CCDC126: variants seen among roughly 807,000 people sequenced by gnomAD.
The protein encoded by CCDC126 is coiled-coil domain-containing protein 126.
In CCDC126, 5 loss-of-function variants were observed where a neutral mutation model predicts 11.7. The observed-to-expected ratio is 0.43, with a 90% CI of 0.22 to 0.90. CCDC126 has a LOEUF of 0.90. Among genes scored for constraint, CCDC126 ranks in the 40% least tolerant of loss-of-function variants. The pLI, the probability that CCDC126 is intolerant of heterozygous loss-of-function variation, is 0.27. For synonymous variants in CCDC126, 60 were observed against 61.9 expected (o/e 0.97, Z 0.14); for missense variants, 150 against 163.1 (o/e 0.92, Z 0.44).
chr7:23,630,866 T>C (rs1170021112), intron 3 of CCDC126, among the ~76,000 whole-genome samples: 1 of 150,130 alleles, frequency 6.7e-6, no homozygotes, highest in African/African-American at 2.5e-5. Context: ...AAATCAATAA[T>C]GGAAAGATGA....
intron 3 of CCDC126, among the ~76,000 whole-genome samples, chr7:23,638,533 T>G (rs1413891762): frequency 8.5e-6 from 1 of 117,628 alleles, no homozygotes; most frequent in Non-Finnish European, 1.7e-5. Flanking sequence ...TCGTTAAGAG[T>G]CATCACCACT....
chr7:23,618,767 T>C (rs1251946930), intron 3 of CCDC126, among the ~76,000 whole-genome samples: 1 of 151,724 alleles, frequency 6.6e-6, no homozygotes, highest in Non-Finnish European at 1.5e-5. Context: ...CAAGGCCAGG[T>C]TGGCCTTGAA....
chr7:23,632,516 A>G (rs1313099966), intron 3 of CCDC126, among the ~76,000 whole-genome samples: 1 of 152,242 alleles, frequency 6.6e-6, no homozygotes, highest in Non-Finnish European at 1.5e-5. Flanking sequence ...GTAAAAGGGC[A>G]ACATAGGGAT....
At chr7:23,604,684 A>G (rs991804168) in intron 2 of CCDC126, among the ~76,000 whole-genome samples, 1 of 152,154 alleles carries the variant, frequency 6.6e-6, no homozygotes, top group African/African-American at 2.4e-5. Context: ...GGTTTTAAAG[A>G]TATACTATAA....
At position 23,611,402 on chromosome 7, in the gene CCDC126, A is replaced by G. The variant is rs749433721; in HGVS notation, c.87A>G (p.Leu29=). 1.2e-6 allele frequency: 2 copies of G among 1,613,838 alleles called. No individual in the cohort carries two copies. Among genetic ancestry groups the G allele is most frequent in the Admixed American group, 3.3e-5 (2 of 60,016 alleles). ...LVFGLIWGLM[L]LHYTFQQPRH... is the part of the protein sequence containing the mutation. ...TTGGACTCATTTGGGGATTGATGTT[A>G]CTGCACTATACTTTTCAACAACCAA... The change falls in exon 3 of 4, where the codon TTA becomes TTG. Residue 29 remains leucine (L), a synonymous_variant. Coordinates refer to ENST00000307471, the MANE Select transcript of CCDC126 (RefSeq NM_138771.4).
rs901253746 is a variant in CCDC126 at position 23,622,656 on chromosome 7, A to T, written c.238+11103A>T. On this transcript the variant is annotated intron_variant, in intron 3 of 3. Coordinates refer to ENST00000307471, the MANE Select transcript of CCDC126 (RefSeq NM_138771.4). The stretch of plus-strand genomic sequence containing the variant: ...GATCCAAGGTTTGTACTGTGTACAC[A>T]CAAAGGAACCTATGCAGATGACTGC... 3 of 534,720 alleles carry T rather than the reference A, an allele frequency of 5.6e-6. No homozygotes were observed. In the Admixed American group the frequency reaches 5.8e-5, roughly 10 times the overall value. The allele number at this position is 534,720 out of a possible 1,614,324, so 33.1% of individuals were successfully genotyped here. A position where few individuals can be genotyped will look rare whatever the true frequency, so the allele number is the denominator to read the frequency against.
intron 2 of CCDC126, among the ~76,000 whole-genome samples, chr7:23,608,429 A>G (rs958271083): frequency 6.6e-6 from 1 of 152,198 alleles, no homozygotes; most frequent in African/African-American, 2.4e-5. Flanking sequence ...ATGTGGCCCA[A>G]CACAAATTCA....
chr7:23,635,442 G>A (rs1051122187), intron 3 of CCDC126, among the ~76,000 whole-genome samples: 1 of 152,194 alleles, frequency 6.6e-6, no homozygotes, highest in Non-Finnish European at 1.5e-5. Flanking sequence ...TACAAGCATA[G>A]AATTCCCTTA....
intron 3 of CCDC126, among the ~76,000 whole-genome samples, chr7:23,622,026 A>G (rs1189077889): frequency 6.6e-6 from 1 of 152,092 alleles, no homozygotes; most frequent in African/African-American, 2.4e-5. Flanking sequence ...CATCAGGGAT[A>G]TTGGTCTAAA....
At chr7:23,619,483 C>T (rs1782853118) in intron 3 of CCDC126, 2 of 381,842 alleles carry the variant, frequency 5.2e-6, no homozygotes, top group Admixed American at 3.1e-5. Flanking sequence ...AGTTCCCCAA[C>T]ACCCTTCCTG....
chr7:23,631,758 C>T (rs1210240886), intron 3 of CCDC126, among the ~76,000 whole-genome samples: 2 of 150,062 alleles, frequency 1.3e-5, no homozygotes, highest in Non-Finnish European at 3.0e-5. Context: ...GAGACCCTGT[C>T]TCAAAAAAAA....
At chr7:23,623,459 G>A (rs1168307197) in intron 3 of CCDC126, among the ~76,000 whole-genome samples, 1 of 152,048 alleles carries the variant, frequency 6.6e-6, no homozygotes, top group Non-Finnish European at 1.5e-5. Context: ...GGCCAGGTGT[G>A]GCGTTGCTTG....
Position 23,641,008 on chromosome 7 carries a change from T to TC in CCDC126, c.239-1923_239-1922insC, listed in dbSNP as rs1554273248. Among the ~76,000 whole-genome samples the TC allele has an allele frequency of 9.7e-3, 1,431 of 146,798 alleles. 25 individuals carry two copies. The highest frequency in any genetic ancestry group is 0.036 in the African/African-American group (1,352 of 37,956). On this transcript the variant is annotated intron_variant, in intron 3 of 3. Coordinates refer to ENST00000307471, the MANE Select transcript of CCDC126 (RefSeq NM_138771.4). Reference sequence around the variant, plus strand: ...ATCCTTTTGGTTTTTTTTTTTTTTTTTTTTTTTGGTATATACCTAGGAGTG... The same window carrying TC: ...ATCCTTTTGGTTTTTTTTTTTTTTTTCTTTTTTTGGTATATACCTAGGAGTG...
chr7:23,637,929 C>T (rs1358653422), intron 3 of CCDC126, among the ~76,000 whole-genome samples: 25 of 121,816 alleles, frequency 2.1e-4, no homozygotes, highest in African/African-American at 7.5e-4. Flanking sequence ...GTGAGGACCC[C>T]TCTGCCCGGC....
chr7:23,613,266 A>G (rs1782746160), intron 3 of CCDC126, among the ~76,000 whole-genome samples: 1 of 152,088 alleles, frequency 6.6e-6, no homozygotes, highest in South Asian at 2.1e-4. Context: ...AGGTGTGATC[A>G]CACGCCACTG....
intron 3 of CCDC126, among the ~76,000 whole-genome samples, chr7:23,628,724 T>C (rs1351966509): frequency 6.6e-6 from 1 of 151,994 alleles, no homozygotes; most frequent in Non-Finnish European, 1.5e-5. Context: ...GGACTTTACC[T>C]CCACATGGCA....
chr7:23,629,724 C>G (rs77221183), intron 3 of CCDC126, among the ~76,000 whole-genome samples: 1 of 152,018 alleles, frequency 6.6e-6, no homozygotes, highest in South Asian at 2.1e-4. Context: ...ATGGAGGGGA[C>G]AGGAAAGAAT....
chr7:23,638,727 T>TA lies in CCDC126; in HGVS notation c.239-4185dup, dbSNP rs70954398. ...GAATGATCAATAAAAAAAAAAAAAT[T>TA]AAAAAAAAAAAAAAAAAAACCAAAA... On this transcript the variant is annotated intron_variant, in intron 3 of 3. Transcript: ENST00000307471. Among the ~76,000 whole-genome samples the TA allele has an allele frequency of 3.5e-3, 313 of 89,650 alleles. 2 individuals are homozygous for TA. The highest frequency in any genetic ancestry group is 8.8e-3 in the East Asian group (29 of 3,294). 58.8% of individuals were successfully genotyped at this position (89,650 alleles called of 152,430 possible). A position where few individuals can be genotyped will look rare whatever the true frequency, so the allele number is the denominator to read the frequency against.
intron 3 of CCDC126, chr7:23,622,781 C>G (rs772036200): frequency 2.0e-6 from 1 of 492,920 alleles, no homozygotes; most frequent in Non-Finnish European, 4.0e-6. Flanking sequence ...ACCATAGATA[C>G]AACATTGAAT....
Sources: allele counts gnomAD v4.1 joint callset (sites outside exome capture counted in the v4.1 genomes callset), GRCh38; gene constraint gnomAD v4.1.1; transcripts MANE v1.5; gene names NCBI Gene and HGNC (gene_info 2026-07-23, HGNC 2026-07-21).